The following SERTAD2 variants were observed in gnomAD, a reference collection of about 807,000 sequenced individuals.
SERTAD2 encodes SERTA domain-containing protein 2.
Under a neutral mutation model 15.4 loss-of-function variants are expected in SERTAD2, and 2 were observed. The observed-to-expected ratio is 0.13, with a 90% CI of 0.05 to 0.41. The LOEUF is 0.41. Ranked by LOEUF, SERTAD2 falls within the 10% of genes least tolerant of loss-of-function variation. The pLI is 0.99. For missense variants in SERTAD2, 333 were observed against 409.7 expected (o/e 0.81, Z 1.62); for synonymous variants, 180 against 178.0 (o/e 1.01, Z -0.09).
chr2:64,648,100 C>T lies in SERTAD2; in HGVS notation c.-5+5520G>A, dbSNP rs113728195. On this transcript the variant is annotated intron_variant, in intron 1 of 1. Transcript: ENST00000313349. ...TATTGTACGGCCTAAACTTGGATTC[C>T]CTAGAGAACAATATCACATTTCTAC... Among the ~76,000 whole-genome samples the T allele has an allele frequency of 2.1e-3, 315 of 152,106 alleles. 1 individual carries two copies. Among genetic ancestry groups the T allele is most frequent in the African/African-American group, 7.2e-3 (300 of 41,476 alleles).
chr2:64,644,316 T>C (rs1674849401), intron 1 of SERTAD2, among the ~76,000 whole-genome samples: 1 of 152,246 alleles, frequency 6.6e-6, no homozygotes. Flanking sequence ...AGACAACTTC[T>C]GAAACACAGA....
At position 64,632,634 on chromosome 2, in the gene SERTAD2, A is replaced by G. The variant is rs1216244992; in HGVS notation, c.*3293T>C. 6.6e-6 allele frequency: 1 copy of G among 152,620 alleles called. No homozygotes were observed. Among genetic ancestry groups the G allele is most frequent in the African/African-American group, 2.4e-5 (1 of 41,452 alleles). 9.5% of individuals were successfully genotyped at this position (152,620 alleles called of 1,614,324 possible). On this transcript the variant is annotated 3_prime_UTR_variant, in exon 2 of 2. Transcript: ENST00000313349. Reference sequence around the variant, plus strand: ...TTTCTTAAAAATTTGGAGGTATTAAAACATTCCTCATACCTTTTGCATATT... The same window carrying G: ...TTTCTTAAAAATTTGGAGGTATTAAGACATTCCTCATACCTTTTGCATATT...
At chr2:64,648,967 T>C (rs1674956639) in intron 1 of SERTAD2, among the ~76,000 whole-genome samples, 1 of 152,126 alleles carries the variant, frequency 6.6e-6, no homozygotes, top group South Asian at 2.1e-4. Context: ...CAGATTGGTT[T>C]TCTCTGATAG....
In SERTAD2 at chr2:64,636,762, C is replaced by T; in HGVS notation, c.110G>A (p.Arg37His). ...GPSKVSYTLQ[R>H]QTIFNISLMK... ...AAGGGAAATGTTGAAGATAGTCTGGCGCTGTAAGGTGTAAGACACCTTGGA... is the reference window on the plus strand; with the variant it reads ...AAGGGAAATGTTGAAGATAGTCTGGTGCTGTAAGGTGTAAGACACCTTGGA... The change falls in exon 2 of 2, where the codon CGC (arginine) becomes CAC (histidine). Residue 37 changes from arginine to histidine, a missense_variant. Physicochemically the swap from Arg to His is conservative, Grantham distance 29 (BLOSUM62 0). Around this residue, in one of 2 missense-constraint regions of SERTAD2, gnomAD observed 332 missense variants for 392.9 expected, o/e 0.84. Coordinates refer to ENST00000313349, the MANE Select transcript of SERTAD2 (RefSeq NM_014755.3). 2 of 1,614,120 alleles carry T rather than the reference C, an allele frequency of 1.2e-6. No individual in the cohort carries two copies. The highest frequency in any genetic ancestry group is 1.7e-6 in the Non-Finnish European group (2 of 1,180,038).
At chr2:64,644,601 A>G (rs1317656944) in intron 1 of SERTAD2, 1 of 152,228 alleles carries the variant, frequency 6.6e-6, no homozygotes, top group African/African-American at 2.4e-5. Flanking sequence ...TACACCTTAA[A>G]CAACACACTG....
At chr2:64,647,910 C>T (rs769004419) in intron 1 of SERTAD2, among the ~76,000 whole-genome samples, 1 of 151,760 alleles carries the variant, frequency 6.6e-6, no homozygotes, top group Non-Finnish European at 1.5e-5. Flanking sequence ...AAATTAAAAA[C>T]TAGTCATGCC....
chr2:64,650,762 G>A lies in SERTAD2; in HGVS notation c.-5+2858C>T, dbSNP rs183243766. ...ACAATATGTACAAAATATATGAGTT[G>A]TGCATATAAAGTGGCCATGGCACTT... On this transcript the variant is annotated intron_variant, in intron 1 of 1. Transcript: ENST00000313349. 2.3e-3 allele frequency among the ~76,000 whole-genome samples: 347 copies of A among 152,096 alleles called. 2 individuals carry two copies. Among genetic ancestry groups the A allele is most frequent in the Non-Finnish European group, 4.0e-3 (269 of 68,000 alleles).
At chr2:64,643,696 A>G (rs1204693317) in intron 1 of SERTAD2, among the ~76,000 whole-genome samples, 1 of 152,248 alleles carries the variant, frequency 6.6e-6, no homozygotes, top group East Asian at 1.9e-4. Flanking sequence ...GTGAAACCCC[A>G]TCTCTACTAA....
chr2:64,637,496 C>A (rs1674685840), intron 1 of SERTAD2, among the ~76,000 whole-genome samples: 2 of 152,312 alleles, frequency 1.3e-5, no homozygotes, highest in South Asian at 2.1e-4. Context: ...TAAATGACCA[C>A]AGTGACTGAG....
chr2:64,637,148 A>G (rs928439458), intron 1 of SERTAD2, among the ~76,000 whole-genome samples: 3 of 152,206 alleles, frequency 2.0e-5, no homozygotes, highest in African/African-American at 7.2e-5. Flanking sequence ...GACACAGACA[A>G]GTTAAGAATT....
chr2:64,653,470 C>A (rs578184917), intron 1 of SERTAD2, 150 bp downstream of exon 1: 1 of 152,328 alleles, frequency 6.6e-6, no homozygotes, highest in Non-Finnish European at 1.5e-5. Context: ...GTACCTGCTC[C>A]GTCCCCGGCT....
chr2:64,641,918 A>G (rs909843953), intron 1 of SERTAD2, among the ~76,000 whole-genome samples: 1 of 152,244 alleles, frequency 6.6e-6, no homozygotes, highest in African/African-American at 2.4e-5. Context: ...CCCACCTCCC[A>G]TATTTCTCTT....
chr2:64,638,851 C>G (rs963054243), intron 1 of SERTAD2, among the ~76,000 whole-genome samples: 1 of 152,210 alleles, frequency 6.6e-6, no homozygotes, highest in African/African-American at 2.4e-5. Flanking sequence ...TGTGTATTTA[C>G]TTTGCATAGA....
chr2:64,650,785 CT>C (rs1261620727), intron 1 of SERTAD2, among the ~76,000 whole-genome samples: 3 of 151,900 alleles, frequency 2.0e-5, no homozygotes, highest in Non-Finnish European at 4.4e-5. Flanking sequence ...GGCCATGGCA[CT>C]TTTAGATTTT....
intron 1 of SERTAD2, among the ~76,000 whole-genome samples, chr2:64,638,521 G>T (rs553418776): frequency 6.6e-6 from 1 of 152,218 alleles, no homozygotes; most frequent in African/African-American, 2.4e-5. Flanking sequence ...AGGTAGACAT[G>T]GAGCCTGCCA....
intron 1 of SERTAD2, among the ~76,000 whole-genome samples, chr2:64,647,651 A>G (rs1674932896): frequency 7.2e-6 from 1 of 138,742 alleles, no homozygotes; most frequent in Admixed American, 7.7e-5. Flanking sequence ...GGCTTTGCCA[A>G]AAGTATGTGA....
intron 1 of SERTAD2, chr2:64,646,373 A>C (rs1674901864): frequency 6.6e-6 from 1 of 152,186 alleles, no homozygotes; most frequent in Non-Finnish European, 1.5e-5. Context: ...TCACACCCCC[A>C]GTGAAAACTA....
At chr2:64,642,828 C>T (rs1043967437) in intron 1 of SERTAD2, among the ~76,000 whole-genome samples, 3 of 152,212 alleles carry the variant, frequency 2.0e-5, no homozygotes, top group African/African-American at 7.2e-5. Context: ...AAAAAAGATG[C>T]AAAAGTCTTC....
intron 1 of SERTAD2, among the ~76,000 whole-genome samples, chr2:64,647,695 C>A (rs192727881): frequency 4.0e-4 from 60 of 148,860 alleles, no homozygotes; most frequent in Admixed American, 7.3e-4. Flanking sequence ...AAAAAAGACT[C>A]AAGATATATG....
Sources: allele counts gnomAD v4.1 joint callset (sites outside exome capture counted in the v4.1 genomes callset), GRCh38; gene constraint gnomAD v4.1.1; regional missense constraint gnomAD v4.1.1; transcripts MANE v1.5; gene names NCBI Gene and HGNC (gene_info 2026-07-23, HGNC 2026-07-21).